The following CASD1 variants were observed in gnomAD, a reference collection of about 807,000 sequenced individuals.
CASD1 encodes the protein CAS1 domain sialic acid O acetyltransferase 1.
In CASD1, 41 loss-of-function variants were observed where a neutral mutation model predicts 100.0. The ratio of observed to expected loss-of-function variants is 0.41; its 90% CI spans 0.32 to 0.53. CASD1 has a LOEUF of 0.53. Among genes scored for constraint, CASD1 ranks in the 20% least tolerant of loss-of-function variants. The probability of loss-of-function intolerance (pLI) is 0.25; values close to 1 mark genes in which losing one functional copy is unlikely to be tolerated. For synonymous variants in CASD1, 321 were observed against 315.6 expected, an observed-to-expected ratio of 1.02 and a Z score of -0.18; for missense variants, 774 against 948.7, an observed-to-expected ratio of 0.82 and a Z score of 2.42.
the CASD1 span, chr7:94,588,465 G>T: frequency 7.4e-7 from 1 of 1,356,024 alleles, no homozygotes. Context: ...GACCTCCATG[G>T]ATGCTTTTGC....
the CASD1 span, among the ~76,000 whole-genome samples, chr7:94,578,581 A>G: frequency 2.6e-5 from 4 of 152,160 alleles, no homozygotes; most frequent in Admixed American, 6.6e-5. Flanking sequence ...TCTCAGTAAA[A>G]TTAAATTATA....
intron 16 of CASD1, chr7:94,553,112 A>G: frequency 2.1e-6 from 1 of 466,842 alleles, no homozygotes; most frequent in Non-Finnish European, 4.2e-6. Context: ...TTATGTTTAA[A>G]GCCTTTGTTT....
chr7:94,553,968 T>C, intron 16 of CASD1: 1 of 152,012 alleles, frequency 6.6e-6, no homozygotes, highest in Non-Finnish European at 1.5e-5. Context: ...TACATGTGAA[T>C]ATAGTTCAAG....
intron 6 of CASD1, 92 bp downstream of exon 6, chr7:94,533,341 T>C: frequency 9.9e-7 from 1 of 1,011,012 alleles, no homozygotes; most frequent in Non-Finnish European, 1.5e-6. Flanking sequence ...AATTCTTGAT[T>C]GTACCTAAAT....
At chr7:94,617,017 C>G in the CASD1 span, 3 of 152,192 alleles carry the variant, frequency 2.0e-5, no homozygotes, top group African/African-American at 7.2e-5. Context: ...GTGCCACCCT[C>G]TAGCAGGTGT....
chr7:94,615,035 C>T, the CASD1 span, among the ~76,000 whole-genome samples: 1 of 151,954 alleles, frequency 6.6e-6, no homozygotes, highest in Non-Finnish European at 1.5e-5. Flanking sequence ...GATATTTGTA[C>T]CAAAATTATA....
the CASD1 span, among the ~76,000 whole-genome samples, chr7:94,564,299 T>G: frequency 9.9e-5 from 15 of 152,192 alleles, no homozygotes; most frequent in African/African-American, 3.4e-4. Flanking sequence ...CTGATATTCC[T>G]CAAGATCCAT....
chr7:94,563,804 C>G, the CASD1 span, among the ~76,000 whole-genome samples: 1 of 151,976 alleles, frequency 6.6e-6, no homozygotes. Flanking sequence ...GAGCTTCTTT[C>G]TTTGCAGTAG....
chr7:94,630,435 A>C, the CASD1 span, among the ~76,000 whole-genome samples: 1 of 151,838 alleles, frequency 6.6e-6, no homozygotes. Context: ...TGATTTATTC[A>C]ATTTTCTCTG....
chr7:94,530,760 A>G (rs1794813477), intron 5 of CASD1, among the ~76,000 whole-genome samples: 2 of 152,156 alleles, frequency 1.3e-5, no homozygotes, highest in African/African-American at 2.4e-5. Context: ...GAAATTGAAT[A>G]GGCAGAGAAT....
At chr7:94,632,745 A>C in the CASD1 span, among the ~76,000 whole-genome samples, 4 of 152,112 alleles carry the variant, frequency 2.6e-5, no homozygotes, top group African/African-American at 9.7e-5. Flanking sequence ...CTTGCAAAAC[A>C]AATAGCTCTG....
At chr7:94,593,423 G>C in the CASD1 span, among the ~76,000 whole-genome samples, 20 of 151,998 alleles carry the variant, frequency 1.3e-4, no homozygotes, top group Admixed American at 1.1e-3. Flanking sequence ...TGGTATTGAT[G>C]TTGGCATAAG....
intron 1 of CASD1, among the ~76,000 whole-genome samples, chr7:94,510,635 C>T (rs1793655108): frequency 1.3e-5 from 2 of 152,200 alleles, no homozygotes; most frequent in Admixed American, 1.3e-4. Flanking sequence ...GCAAGGGGCA[C>T]CGCTGCCAGC....
intron 11 of CASD1, among the ~76,000 whole-genome samples, chr7:94,544,878 T>C (rs1171713947): frequency 6.6e-6 from 1 of 152,122 alleles, no homozygotes; most frequent in African/African-American, 2.4e-5. Flanking sequence ...TACCTAGTGC[T>C]AAGCAGTTTC....
intron 10 of CASD1, among the ~76,000 whole-genome samples, chr7:94,541,506 G>A (rs895835624): frequency 3.7e-5 from 5 of 135,120 alleles, no homozygotes; most frequent in African/African-American, 1.4e-4. Flanking sequence ...AGTAAGTTTG[G>A]TATATACAGT....
intron 10 of CASD1, among the ~76,000 whole-genome samples, chr7:94,544,015 T>G (rs940989098): frequency 6.6e-6 from 1 of 152,214 alleles, no homozygotes; most frequent in Non-Finnish European, 1.5e-5. Context: ...TGAATCCATC[T>G]TGCATTCAGG....
At chr7:94,521,702 C>T (rs1474844221) in intron 3 of CASD1, among the ~76,000 whole-genome samples, 7 of 152,034 alleles carry the variant, frequency 4.6e-5, no homozygotes, top group African/African-American at 1.7e-4. Flanking sequence ...TACGCACACA[C>T]AATTATATGT....
chr7:94,588,066 T>G, the CASD1 span: 1 of 1,336,802 alleles, frequency 7.5e-7, no homozygotes, highest in Non-Finnish European at 9.5e-7. Context: ...AAGACAATCA[T>G]GAATAAGTTA....
At position 94,510,064 on chromosome 7, in the gene CASD1, T is replaced by A. The variant is rs1793610080; in HGVS notation, c.-21T>A. 2.0e-6 allele frequency: 3 copies of A among 1,496,366 alleles called. No individual in the cohort carries two copies. The highest frequency in any genetic ancestry group is 2.7e-6 in the Non-Finnish European group (3 of 1,118,498). 92.7% of individuals were successfully genotyped at this position (1,496,366 alleles called of 1,614,324 possible). ...GCCCCTTTCCCGCTCCGCCGCGCAC[T>A]GTTGTCATGGAGGAACCAAGATGGC... On this transcript the variant is annotated 5_prime_UTR_variant, in exon 1 of 18. Coordinates refer to ENST00000297273, the MANE Select transcript of CASD1 (RefSeq NM_022900.5).
Sources: allele counts gnomAD v4.1 joint callset (sites outside exome capture counted in the v4.1 genomes callset), GRCh38; gene constraint gnomAD v4.1.1; transcripts MANE v1.5; gene names NCBI Gene and HGNC (gene_info 2026-07-23, HGNC 2026-07-21).